IBTK: variants seen among roughly 807,000 people sequenced by gnomAD.
IBTK encodes inhibitor of Bruton tyrosine kinase.
A neutral mutation model predicts 154.9 loss-of-function variants in IBTK; 83 were observed. The ratio of observed to expected loss-of-function variants is 0.54; its 90% CI spans 0.45 to 0.64. The LOEUF is 0.64. IBTK is among the 30% of genes least tolerant of loss of function. IBTK has a pLI of 0.00. For synonymous variants in IBTK, 515 were observed against 536.1 expected (o/e 0.96, Z 0.54); for missense variants, 1,332 against 1,584.6 (o/e 0.84, Z 2.71).
At chr6:82,224,293 T>A in intron 6 of IBTK, 108 bp from the exon 7 acceptor site, 1 of 765,306 alleles carries the variant, frequency 1.3e-6, no homozygotes, top group Non-Finnish European at 2.2e-6. Flanking sequence ...CTGTTAGTGG[T>A]CCACTCAAGT....
rs1216172006 is a variant in IBTK at position 82,240,454 on chromosome 6, C to A, written c.33G>T (p.Lys11Asn). The A allele has an allele frequency of 1.9e-6, 3 of 1,613,792 alleles. No individual in the cohort carries two copies. Among genetic ancestry groups the A allele is most frequent in the East Asian group, 2.2e-5 (1 of 44,864 alleles). Residue 11 changes from lysine to asparagine, a missense_variant, in exon 2 of 29, where the codon AAG becomes AAT. Physicochemically the swap from Lys to Asn is moderately conservative, Grantham distance 94. This residue lies in a region of IBTK where 84 missense variants were observed against 96.2 expected (regional missense o/e 0.87). Transcript: ENST00000306270. MSSPMPDCTS[K>N]CRSLKHALDV... ...CCAAAGCATGCTTCAGGGATCGACA[C>A]TTTGATGTGCAGTCAGGCATGGGTG...
intron 9 of IBTK, 30 bp from the exon 10 acceptor site, chr6:82,218,167 T>C (rs1021235582): frequency 1.1e-5 from 16 of 1,466,684 alleles, no homozygotes; most frequent in African/African-American, 7.2e-5. Context: ...CATTGAAATA[T>C]AAAGCAAGTA....
At chr6:82,188,959 G>T in intron 25 of IBTK, 1 of 405,774 alleles carries the variant, frequency 2.5e-6, no homozygotes, top group Non-Finnish European at 4.8e-6. Context: ...GAACCTAGGA[G>T]GCGGAGGTTG....
At chr6:82,206,728 A>G (rs961532475) in intron 16 of IBTK, among the ~76,000 whole-genome samples, 2 of 152,184 alleles carry the variant, frequency 1.3e-5, no homozygotes, top group African/African-American at 4.8e-5. Context: ...AGTAACATAT[A>G]AAAAGGAATT....
rs889368023 is a variant in IBTK, at chr6:82,240,412, T to C, written c.75A>G (p.Val25=). The C allele has an allele frequency of 6.2e-7, 1 of 1,614,074 alleles. No individual in the cohort carries two copies. Among genetic ancestry groups the C allele is most frequent in the Non-Finnish European group, 8.5e-7 (1 of 1,180,042 alleles). Residue 25 remains valine, a synonymous_variant, in exon 2 of 29, where the codon GTA becomes GTG. Transcript: ENST00000306270. ...TAATCTGGTTTTCGCTCCCCTTTGTTACCACAGAAAGGACATCCAAAGCAT... is the reference window on the plus strand; with the variant it reads ...TAATCTGGTTTTCGCTCCCCTTTGTCACCACAGAAAGGACATCCAAAGCAT... The part of the protein sequence containing the change: ...LKHALDVLSV[V]TKGSENQIKA...
chr6:82,233,155 C>CAA (rs35870814), intron 3 of IBTK, among the ~76,000 whole-genome samples: 92 of 93,286 alleles, frequency 9.9e-4, no homozygotes, highest in African/African-American at 2.2e-3. Flanking sequence ...GAAACTGTCT[C>CAA]AAAAAAAAAA....
At chr6:82,221,379 C>T (rs1013705631) in intron 8 of IBTK, among the ~76,000 whole-genome samples, 1 of 152,210 alleles carries the variant, frequency 6.6e-6, no homozygotes, top group Admixed American at 6.5e-5. Context: ...CTCCTAAGTG[C>T]ATCTCTATTT....
In IBTK at chr6:82,181,910, T is replaced by C. The variant is rs771179383; in HGVS notation, c.3694A>G (p.Ile1232Val). 1 of 1,584,220 alleles carries C rather than the reference T, an allele frequency of 6.3e-7. No homozygotes were observed. Among genetic ancestry groups the C allele is most frequent in the South Asian group, 1.2e-5 (1 of 84,702 alleles). Residue 1232 changes from isoleucine to valine, a missense_variant, in exon 26 of 29, where the codon ATT becomes GTT. Ile to Val is a conservative substitution (Grantham distance 29, BLOSUM62 3). Around this residue, in one of 3 missense-constraint regions of IBTK, gnomAD observed 1,134 missense variants for 1,274.7 expected, o/e 0.89. Transcript: ENST00000306270. The part of the protein sequence containing the change: ...DHVKKVSFKG[I>V]ENSQAPKIVR... ...ATTTTTGGTGCCTGAGAATTTTCAATTCCTTTAAAAGAAACTTTTTTGACA... is the reference window on the plus strand; with the variant it reads ...ATTTTTGGTGCCTGAGAATTTTCAACTCCTTTAAAAGAAACTTTTTTGACA...
At chr6:82,193,189 T>A (rs1354987292) in intron 23 of IBTK, among the ~76,000 whole-genome samples, 2 of 152,176 alleles carry the variant, frequency 1.3e-5, no homozygotes, top group Non-Finnish European at 2.9e-5. Context: ...TACTTATTAT[T>A]TACACTAGGC....
chr6:82,176,952 C>G (rs1768142834), intron 26 of IBTK, among the ~76,000 whole-genome samples: 1 of 152,058 alleles, frequency 6.6e-6, no homozygotes, highest in Admixed American at 6.6e-5. Context: ...TGAAAGGAAT[C>G]AAGAATTAAG....
At chr6:82,179,788 G>A (rs904207169) in intron 26 of IBTK, among the ~76,000 whole-genome samples, 3 of 152,166 alleles carry the variant, frequency 2.0e-5, no homozygotes, top group African/African-American at 4.8e-5. Flanking sequence ...AGAAGAAAGT[G>A]TGCCCAGACC....
intron 4 of IBTK, 86 bp from the exon 5 acceptor site, chr6:82,227,388 G>T: frequency 1.4e-6 from 1 of 724,522 alleles, no homozygotes; most frequent in Non-Finnish European, 2.1e-6. Context: ...ATTGTTAATT[G>T]TTTAAACAGG....
chr6:82,243,972 A>G (rs767008074), intron 1 of IBTK, among the ~76,000 whole-genome samples: 2 of 152,228 alleles, frequency 1.3e-5, no homozygotes, highest in Non-Finnish European at 2.9e-5. Context: ...TACTATGAAC[A>G]TAAACATGGA....
intron 26 of IBTK, among the ~76,000 whole-genome samples, chr6:82,176,623 A>G (rs913587181): frequency 6.6e-6 from 1 of 152,182 alleles, no homozygotes; most frequent in East Asian, 1.9e-4. Flanking sequence ...AAGCACATGA[A>G]ATAAAAAAGA....
intron 24 of IBTK, 87 bp from the exon 25 acceptor site, chr6:82,191,303 T>G: frequency 9.7e-7 from 1 of 1,026,728 alleles, no homozygotes; most frequent in South Asian, 1.5e-5. Flanking sequence ...TTATATCAAT[T>G]AACATTAATT....
At chr6:82,231,625 A>T (rs1770505521) in intron 4 of IBTK, 93 bp downstream of exon 4, 1 of 936,864 alleles carries the variant, frequency 1.1e-6, no homozygotes, top group South Asian at 2.4e-5. Context: ...TGTACCTGAA[A>T]CAAAGTTATG....
chr6:82,233,223 G>A (rs1770581224), intron 3 of IBTK, among the ~76,000 whole-genome samples: 1 of 151,784 alleles, frequency 6.6e-6, no homozygotes, highest in Non-Finnish European at 1.5e-5. Context: ...GCTACTTGGA[G>A]GGCTGAAGTG....
intron 26 of IBTK, 115 bp from the exon 27 acceptor site, chr6:82,173,553 T>G (rs959416939): frequency 1.4e-6 from 1 of 708,026 alleles, no homozygotes; most frequent in Non-Finnish European, 2.4e-6. Context: ...GCAAATTAAA[T>G]GAGTGCAGTC....
At chr6:82,223,757 G>C (rs1770188335) in intron 7 of IBTK, 137 bp from the exon 8 acceptor site, 1 of 672,088 alleles carries the variant, frequency 1.5e-6, no homozygotes, top group South Asian at 2.0e-5. Flanking sequence ...CCTGGAGCTC[G>C]AGACCAGCCT....
Sources: gnomAD v4.1 joint callset for allele counts (sites outside exome capture counted in the v4.1 genomes callset) on GRCh38, gnomAD v4.1.1 for gene constraint, gnomAD v4.1.1 regional missense constraint, MANE v1.5 for transcripts, NCBI Gene and HGNC (gene_info 2026-07-23, HGNC 2026-07-21) for gene names.